SNX25: variants seen among roughly 807,000 people sequenced by gnomAD.
SNX25 encodes the protein sorting nexin 25.
A neutral mutation model predicts 113.7 loss-of-function variants in SNX25; 62 were observed. The ratio of observed to expected loss-of-function variants is 0.55; its 90% CI spans 0.44 to 0.67. SNX25 has a LOEUF of 0.67. SNX25 is among the 30% of genes least tolerant of loss of function. The pLI is 0.00. For missense variants in SNX25, 1,014 were observed against 1,161.0 expected (o/e 0.87, Z 1.84); for synonymous variants, 421 against 436.2 (o/e 0.97, Z 0.43).
intron 6 of SNX25, among the ~76,000 whole-genome samples, chr4:185,301,687 A>C (rs1228691405): frequency 6.6e-6 from 1 of 151,976 alleles, no homozygotes; most frequent in Non-Finnish European, 1.5e-5. Flanking sequence ...CCTGGGTTCA[A>C]GCGATTCTTG....
At chr4:185,328,154 A>G (rs2095169627) in intron 9 of SNX25, among the ~76,000 whole-genome samples, 1 of 152,226 alleles carries the variant, frequency 6.6e-6, no homozygotes, top group African/African-American at 2.4e-5. Flanking sequence ...AAGAAGATCC[A>G]GTAGTTATAA....
the SNX25 span, among the ~76,000 whole-genome samples, chr4:185,376,719 T>C: frequency 2.6e-5 from 4 of 152,216 alleles, no homozygotes; most frequent in African/African-American, 9.7e-5. Flanking sequence ...ACATGGATTT[T>C]ATGAAGAAAA....
chr4:185,256,624 CTTTT>C (rs35160292), intron 2 of SNX25, among the ~76,000 whole-genome samples: 2 of 112,572 alleles, frequency 1.8e-5, no homozygotes, highest in Non-Finnish European at 3.6e-5. Context: ...ACCTAAATTT[CTTTT>C]TTTTTTTTTT....
chr4:185,223,596 C>T lies in SNX25; in HGVS notation c.429+13341C>T, dbSNP rs191534510. On this transcript the variant is annotated intron_variant, in intron 1 of 18. Coordinates refer to ENST00000652585, the MANE Select transcript of SNX25 (RefSeq NM_001378034.2). The stretch of plus-strand genomic sequence containing the variant: ...AAGGGTAGGACCATCCTGCCTAACA[C>T]GGTGAAACCCTGTCTCTACTAAAAA... Among the ~76,000 whole-genome samples, 508 of 152,102 alleles carry T rather than the reference C, an allele frequency of 3.3e-3. 1 individual carries two copies. Among genetic ancestry groups the T allele is most frequent in the Non-Finnish European group, 5.3e-3 (361 of 67,990 alleles).
chr4:185,204,769 T>C (rs1299340815), upstream of SNX25, among the ~76,000 whole-genome samples: 2 of 152,158 alleles, frequency 1.3e-5, no homozygotes, highest in African/African-American at 4.8e-5. Context: ...GCACAGAAGC[T>C]AGAGGTTGGA....
downstream of SNX25, among the ~76,000 whole-genome samples, chr4:185,368,801 T>G (rs928977194): frequency 6.6e-6 from 1 of 151,402 alleles, no homozygotes. Context: ...TTTTGTTTTT[T>G]TTTTTTTTTT....
At chr4:185,213,659 A>T (rs1304953685) in intron 1 of SNX25, among the ~76,000 whole-genome samples, 3 of 152,180 alleles carry the variant, frequency 2.0e-5, no homozygotes, top group Non-Finnish European at 4.4e-5. Context: ...CCTGGGTCTG[A>T]GCCTCAGATT....
intron 6 of SNX25, among the ~76,000 whole-genome samples, chr4:185,300,546 G>A (rs1753513618): frequency 6.6e-6 from 1 of 151,902 alleles, no homozygotes; most frequent in South Asian, 2.1e-4. Flanking sequence ...TGAAAAAAGA[G>A]AGCTAGCTAA....
At chr4:185,291,099 A>G (rs1437865586) in intron 6 of SNX25, among the ~76,000 whole-genome samples, 1 of 152,222 alleles carries the variant, frequency 6.6e-6, no homozygotes, top group Non-Finnish European at 1.5e-5. Context: ...GGGAAGTGTG[A>G]CATGACCTCT....
chr4:185,251,160 A>G (rs879642496), intron 2 of SNX25, among the ~76,000 whole-genome samples: 7 of 151,884 alleles, frequency 4.6e-5, no homozygotes, highest in Non-Finnish European at 8.8e-5. Flanking sequence ...ATGCCCAGCT[A>G]ATTTTTGTAT....
chr4:185,323,807 C>A lies in SNX25; in HGVS notation c.1749+7C>A. 1 of 1,610,164 alleles carries A rather than the reference C, an allele frequency of 6.2e-7. No homozygotes were observed. Among genetic ancestry groups the A allele is most frequent in the South Asian group, 1.1e-5 (1 of 89,922 alleles). Reference sequence around the variant, plus strand: ...TTCCAACAAGGATGAGATGGTGAGTCACATTTAACTTTCTGCTCCTTTTTA... The same window carrying A: ...TTCCAACAAGGATGAGATGGTGAGTAACATTTAACTTTCTGCTCCTTTTTA... On this transcript the variant is annotated splice_region_variant and intron_variant, in intron 9 of 18. Coordinates refer to ENST00000652585, the MANE Select transcript of SNX25 (RefSeq NM_001378034.2).
At chr4:185,212,485 G>GT (rs752474119) in intron 1 of SNX25, among the ~76,000 whole-genome samples, 4,005 of 46,744 alleles carry the variant, frequency 0.086, 247 homozygotes, top group Non-Finnish European at 0.12. Flanking sequence ...GTGTGTGTGT[G>GT]TGTGTGTTTT....
chr4:185,378,399 GAC>G, the SNX25 span: 5 of 1,371,108 alleles, frequency 3.6e-6, no homozygotes, highest in African/African-American at 4.4e-5. Context: ...CTAGCTGAGA[GAC>G]AGCCATTCTC....
At chr4:185,343,551 T>A (rs910879857) in intron 12 of SNX25, among the ~76,000 whole-genome samples, 1 of 152,250 alleles carries the variant, frequency 6.6e-6, no homozygotes, top group Non-Finnish European at 1.5e-5. Context: ...ATCCCAGAGC[T>A]TAACTGACTT....
chr4:185,225,413 C>T (rs916900396), intron 1 of SNX25, among the ~76,000 whole-genome samples: 2 of 152,120 alleles, frequency 1.3e-5, no homozygotes, highest in Non-Finnish European at 2.9e-5. Context: ...CGTGAGCCAC[C>T]GCACCCGGCC....
chr4:185,321,091 C>A (rs1259193206), intron 8 of SNX25, among the ~76,000 whole-genome samples: 2 of 151,840 alleles, frequency 1.3e-5, no homozygotes, highest in African/African-American at 2.4e-5. Context: ...TATAAATGTA[C>A]CAAGAGATTG....
At chr4:185,277,552 G>A (rs111583410) in intron 5 of SNX25, among the ~76,000 whole-genome samples, 90 of 152,160 alleles carry the variant, frequency 5.9e-4, no homozygotes, top group African/African-American at 1.7e-3. Context: ...CCAGCATGAC[G>A]TCACTGAACG....
chr4:185,315,051 A>T (rs1353637591), intron 7 of SNX25, among the ~76,000 whole-genome samples: 1 of 150,704 alleles, frequency 6.6e-6, no homozygotes, highest in African/African-American at 2.4e-5. Flanking sequence ...ACACAGTGAA[A>T]CCCCGTCTCT....
At chr4:185,300,900 C>T (rs1259198675) in intron 6 of SNX25, among the ~76,000 whole-genome samples, 3 of 147,456 alleles carry the variant, frequency 2.0e-5, no homozygotes, top group Non-Finnish European at 4.5e-5. Context: ...GTTCCTGGCT[C>T]GTAACTCACA....
Sources: allele counts gnomAD v4.1 joint callset (sites outside exome capture counted in the v4.1 genomes callset), GRCh38; gene constraint gnomAD v4.1.1; transcripts MANE v1.5; gene names NCBI Gene and HGNC (gene_info 2026-07-23, HGNC 2026-07-21).